Variants in LAMA2 observed in about 807,000 individuals in gnomAD.
The protein encoded by LAMA2 is laminin subunit alpha-2.
In LAMA2, 269 loss-of-function variants were observed where a neutral mutation model predicts 364.8. That is an observed-to-expected ratio of 0.74 (90% CI 0.67 to 0.82). LAMA2 has a LOEUF of 0.82. Among genes scored for constraint, LAMA2 ranks in the 40% least tolerant of loss-of-function variants. The probability of loss-of-function intolerance (pLI) is 0.00; values close to 1 mark genes in which losing one functional copy is unlikely to be tolerated. For synonymous variants in LAMA2, 1,379 were observed against 1,370.6 expected (o/e 1.01, Z -0.14); for missense variants, 3,807 against 3,873.2 (o/e 0.98, Z 0.45).
At chr6:129,287,794 T>C in intron 18 of LAMA2, 53 bp from the exon 19 acceptor site, 1 of 1,372,020 alleles carries the variant, frequency 7.3e-7, no homozygotes, top group East Asian at 2.3e-5. Flanking sequence ...TATGTAAACA[T>C]TGCCCCAACT....
At chr6:128,923,903 A>C (rs755129167) in intron 1 of LAMA2, among the ~76,000 whole-genome samples, 46 of 152,180 alleles carry the variant, frequency 3.0e-4, no homozygotes, top group South Asian at 8.3e-4. Context: ...ATGGCAGAGG[A>C]AGAGAGGAGT....
At chr6:129,436,058 C>T (rs1179953206) in intron 41 of LAMA2, among the ~76,000 whole-genome samples, 2 of 152,192 alleles carry the variant, frequency 1.3e-5, no homozygotes, top group Admixed American at 1.3e-4. Flanking sequence ...TGACAAATAA[C>T]ATGAAGATAG....
In LAMA2 at chr6:129,106,548, T is replaced by C. The variant is rs187763453; in HGVS notation, c.639+8133T>C. ...AAATAATTATTTGGGGTTTCAGGCT[T>C]CCTTTCTCTAAAAATAATTCTTTTT... On this transcript the variant is annotated intron_variant, in intron 4 of 64. Coordinates refer to ENST00000421865, the MANE Select transcript of LAMA2 (RefSeq NM_000426.4). Among the ~76,000 whole-genome samples the C allele has an allele frequency of 6.2e-3, 946 of 152,108 alleles. 22 individuals are homozygous for C. Among genetic ancestry groups the C allele is most frequent in the Non-Finnish European group, 3.0e-3 (206 of 67,992 alleles).
intron 1 of LAMA2, among the ~76,000 whole-genome samples, chr6:128,907,785 T>C (rs1189563997): frequency 6.6e-6 from 1 of 152,184 alleles, no homozygotes; most frequent in Non-Finnish European, 1.5e-5. Context: ...CATAGATAGC[T>C]CTTATTATTT....
chr6:129,114,153 T>C (rs1016165332), intron 4 of LAMA2, among the ~76,000 whole-genome samples: 3 of 152,054 alleles, frequency 2.0e-5, no homozygotes, highest in Non-Finnish European at 4.4e-5. Context: ...AGGATATTTA[T>C]ATATTAAAAA....
chr6:129,053,148 G>A (rs561804220), intron 2 of LAMA2, among the ~76,000 whole-genome samples: 30 of 152,172 alleles, frequency 2.0e-4, no homozygotes, highest in Middle Eastern at 3.4e-3. Flanking sequence ...GCACGACCTC[G>A]GCTCACCGCA....
At chr6:129,391,870 AC>A (rs1405358190) in intron 36 of LAMA2, among the ~76,000 whole-genome samples, 1 of 152,120 alleles carries the variant, frequency 6.6e-6, no homozygotes, top group African/African-American at 2.4e-5. Context: ...ATTGTACTTT[AC>A]CATTGTTCCA....
At chr6:128,952,539 A>T (rs1392182149) in intron 1 of LAMA2, among the ~76,000 whole-genome samples, 3 of 152,172 alleles carry the variant, frequency 2.0e-5, no homozygotes, top group Admixed American at 6.5e-5. Context: ...AAAAAAAATT[A>T]AAGCTTGATT....
intron 5 of LAMA2, 71 bp downstream of exon 5, chr6:129,144,151 T>G (rs1209013068): frequency 8.0e-7 from 1 of 1,250,738 alleles, no homozygotes; most frequent in African/African-American, 1.5e-5. Flanking sequence ...TTAAATACTT[T>G]AAAAATGTTT....
intron 1 of LAMA2, among the ~76,000 whole-genome samples, chr6:129,014,357 T>C (rs565405405): frequency 1.6e-3 from 237 of 152,330 alleles, no homozygotes; most frequent in African/African-American, 5.6e-3. Context: ...GTTTATACCA[T>C]TTCAGTTGAC....
intron 4 of LAMA2, among the ~76,000 whole-genome samples, chr6:129,119,108 T>G (rs1424955379): frequency 6.6e-6 from 1 of 152,218 alleles, no homozygotes; most frequent in Admixed American, 6.5e-5. Context: ...TTGGCATATA[T>G]CCTCCTAGAT....
At chr6:129,442,147 A>G (rs1782148682) in intron 43 of LAMA2, 3 of 1,159,602 alleles carry the variant, frequency 2.6e-6, no homozygotes, top group Admixed American at 2.3e-5. Context: ...AAAGCACTGT[A>G]ATTGGTATTA....
At chr6:129,250,027 T>A in intron 12 of LAMA2, 85 bp from the exon 13 acceptor site, 1 of 868,152 alleles carries the variant, frequency 1.2e-6, no homozygotes, top group Non-Finnish European at 2.0e-6. Flanking sequence ...TATAGAACAA[T>A]AAAATTCGTA....
chr6:129,056,967 A>G (rs1018628883), intron 2 of LAMA2, among the ~76,000 whole-genome samples: 3 of 151,330 alleles, frequency 2.0e-5, no homozygotes, highest in Admixed American at 6.6e-5. Flanking sequence ...TCCTGACCTC[A>G]GGTGATCTGC....
chr6:129,243,845 A>G (rs1325518911), intron 12 of LAMA2, among the ~76,000 whole-genome samples: 1 of 114,756 alleles, frequency 8.7e-6, no homozygotes, highest in Non-Finnish European at 2.1e-5. Context: ...TGGCTACAAG[A>G]AGAAAAAGAA....
intron 10 of LAMA2, among the ~76,000 whole-genome samples, chr6:129,178,315 T>C (rs1780734374): frequency 6.6e-6 from 1 of 152,186 alleles, no homozygotes; most frequent in Non-Finnish European, 1.5e-5. Context: ...ATTCAAATTT[T>C]TCTGTTCAAT....
chr6:128,921,252 G>T (rs1778694625), intron 1 of LAMA2, among the ~76,000 whole-genome samples: 1 of 152,056 alleles, frequency 6.6e-6, no homozygotes, highest in South Asian at 2.1e-4. Flanking sequence ...TAAAAGTAAG[G>T]GTTGTTTAAA....
intron 1 of LAMA2, among the ~76,000 whole-genome samples, chr6:129,027,842 A>C (rs1785939315): frequency 6.6e-6 from 1 of 151,854 alleles, no homozygotes; most frequent in African/African-American, 2.4e-5. Flanking sequence ...TAAGAGATAA[A>C]ATTATAATAA....
Position 129,505,289 on chromosome 6 carries a change from G to C in LAMA2, c.8637G>C (p.Leu2879=), listed in dbSNP as rs370496870. 1.1e-4 allele frequency: 179 copies of C among 1,613,818 alleles called. No individual in the cohort carries two copies. The highest frequency in any genetic ancestry group is 1.5e-4 in the Non-Finnish European group (175 of 1,179,856). The change falls in exon 61 of 65, where the codon CTG becomes CTC. Residue 2879 remains leucine, a synonymous_variant. Transcript: ENST00000421865. ...TCAGTCCCAAAAAAGCCGACATCCT[G>C]GATGTCGTGGGAATGCTGTATGTTG... ...RTISPKKADI[L]DVVGMLYVGG...
Sources: gnomAD v4.1 joint callset for allele counts (sites outside exome capture counted in the v4.1 genomes callset) on GRCh38, gnomAD v4.1.1 for gene constraint, MANE v1.5 for transcripts, NCBI Gene and HGNC (gene_info 2026-07-23, HGNC 2026-07-21) for gene names.